Variants in CYP4F2 observed in about 807,000 individuals in gnomAD.
CYP4F2 encodes the protein cytochrome P450 family 4 subfamily F member 2.
Under a neutral mutation model 58.9 loss-of-function variants are expected in CYP4F2, and 58 were observed. The ratio of observed to expected loss-of-function variants is 0.98; its 90% CI spans 0.80 to 1.23. CYP4F2 has a LOEUF of 1.23. CYP4F2 is among the 50% of genes most tolerant of loss of function. CYP4F2 has a pLI of 0.00. For synonymous variants in CYP4F2, 287 were observed against 261.1 expected (o/e 1.10, Z -0.95); for missense variants, 616 against 685.6 (o/e 0.90, Z 1.13).
rs114209162 is a variant in CYP4F2 at position 15,896,000 on chromosome 19, C to T, written c.199-350G>A. ...TCTACCCATCCATCCATCATCCATC[C>T]ATCCATCCATCCTATCTGTGCATCC... is the stretch of plus-strand genomic sequence containing the variant. On this transcript the variant is annotated intron_variant, in intron 2 of 12. Coordinates refer to ENST00000221700, the MANE Select transcript of CYP4F2 (RefSeq NM_001082.5). 3.7e-3 allele frequency among the ~76,000 whole-genome samples: 564 copies of T among 152,184 alleles called. 1 individual carries two copies. Among genetic ancestry groups the T allele is most frequent in the African/African-American group, 0.012 (500 of 41,490 alleles).
Position 15,885,999 on chromosome 19 carries a change from T to C in CYP4F2, c.1040A>G (p.His347Arg). Residue 347 changes from histidine (H) to arginine (R), a missense_variant, in exon 9 of 13, where the codon CAC becomes CGC. His to Arg is a conservative substitution (Grantham distance 29). Coordinates refer to ENST00000221700, the MANE Select transcript of CYP4F2 (RefSeq NM_001082.5). ...LSWVLYHLAK[H>R]PEYQERCRQE... ...CCGGCAGCGCTCCTGGTATTCTGGG[T>C]GCTTTGCAAGGTGGTACAGGACCCA... 1 of 1,614,072 alleles carries C rather than the reference T, an allele frequency of 6.2e-7. No homozygotes were observed. Among genetic ancestry groups the C allele is most frequent in the Non-Finnish European group, 8.5e-7 (1 of 1,180,008 alleles).
intron 10 of CYP4F2, 23 bp from the exon 11 acceptor site, chr19:15,879,691 C>T (rs2089331009): frequency 1.9e-6 from 3 of 1,614,106 alleles, no homozygotes; most frequent in Non-Finnish European, 2.5e-6. Context: ...AGGGAGCAGT[C>T]AGGAGAAGGC....
rs575928967 is a variant in CYP4F2 at position 15,879,126 on chromosome 19, C to G, written c.1398-190G>C. Among the ~76,000 whole-genome samples the G allele has an allele frequency of 1.1e-4, 16 of 152,296 alleles. No homozygotes were observed. The East Asian group carries it at 2.5e-3, about 24-fold the overall frequency. ...GCCTAGCCGAGCTCCAACCCCCAGC[C>G]TAGACCAAGGTGGGGTAGGAGGGGG... On this transcript the variant is annotated intron_variant, in intron 12 of 12. Coordinates refer to ENST00000221700, the MANE Select transcript of CYP4F2 (RefSeq NM_001082.5).
In CYP4F2 at chr19:15,892,728, G is replaced by C. The variant is rs866221844; in HGVS notation, c.344-146C>G. The C allele has an allele frequency of 4.0e-6, 5 of 1,244,602 alleles. No individual in the cohort carries two copies. The South Asian group carries it at 7.5e-5, about 19-fold the overall frequency. The allele number at this position is 1,244,602 out of a possible 1,614,324, so 77.1% of individuals were successfully genotyped here. On this transcript the variant is annotated intron_variant, in intron 3 of 12. Transcript: ENST00000221700. ...AGAGGGCCAAGGGCAGAGGAAGAAG[G>C]GAGGATGGGGAGGGGAGGGAAGACC...
intron 5 of CYP4F2, among the ~76,000 whole-genome samples, chr19:15,891,973 T>G (rs1382356016): frequency 6.6e-6 from 1 of 152,224 alleles, no homozygotes; most frequent in African/African-American, 2.4e-5. Flanking sequence ...CTTATTGGTT[T>G]AAACCAATGA....
At position 15,890,359 on chromosome 19, in the gene CYP4F2, C is replaced by A; in HGVS notation, c.600G>T (p.Leu200Phe). 1 of 1,614,120 alleles carries A rather than the reference C, an allele frequency of 6.2e-7. No homozygotes were observed. Among genetic ancestry groups the A allele is most frequent in the Non-Finnish European group, 8.5e-7 (1 of 1,180,018 alleles). The change falls in exon 6 of 13, where the codon TTG becomes TTT. Residue 200 changes from leucine (L) to phenylalanine (F), a missense_variant. Leu to Phe is a conservative substitution (Grantham distance 22, BLOSUM62 0). Coordinates refer to ENST00000221700, the MANE Select transcript of CYP4F2 (RefSeq NM_001082.5). ...TGAAGACACATTTCTGTAGACTGTC[C>A]AAGGTCATGAGGCTGATGTGCTCAA... ...DMFEHISLMTLDSLQKCVFSF... is the reference protein window; with the variant it reads ...DMFEHISLMTFDSLQKCVFSF...
intron 9 of CYP4F2, among the ~76,000 whole-genome samples, chr19:15,881,461 T>G (rs147922361): frequency 4.0e-5 from 6 of 151,876 alleles, no homozygotes; most frequent in South Asian, 2.1e-4. Flanking sequence ...ATAAGAGATA[T>G]AGAGAGATAG....
At position 15,878,096 on chromosome 19, in the gene CYP4F2, A is replaced by G. The variant is rs560446993; in HGVS notation, c.*675T>C. 3 of 152,232 alleles carry G rather than the reference A, an allele frequency of 2.0e-5. No individual in the cohort carries two copies. In the South Asian group the frequency reaches 6.2e-4, roughly 32 times the overall value. 9.4% of individuals were successfully genotyped at this position (152,232 alleles called of 1,614,324 possible). ...ATTATTATATGAACAACCTGGACAG[A>G]AAAAAAATGTATGTGAGATAAAATA... is the stretch of plus-strand genomic sequence containing the variant. On this transcript the variant is annotated 3_prime_UTR_variant, in exon 13 of 13. Coordinates refer to ENST00000221700, the MANE Select transcript of CYP4F2 (RefSeq NM_001082.5).
chr19:15,885,911 C>T lies in CYP4F2; in HGVS notation c.1115+13G>A. On this transcript the variant is annotated intron_variant, in intron 9 of 12. Transcript: ENST00000221700. ...GAAGGTCTCAGGAAGAGGCCACAAG[C>T]ACCTGCACTCACCATTCAATCTCTT... The T allele has an allele frequency of 6.2e-7, 1 of 1,611,796 alleles. No homozygotes were observed. Among genetic ancestry groups the T allele is most frequent in the Non-Finnish European group, 8.5e-7 (1 of 1,178,640 alleles).
chr19:15,897,831 AAG>A, intron 1 of CYP4F2, 193 bp downstream of exon 1: 153 of 532,752 alleles, frequency 2.9e-4, no homozygotes, highest in East Asian at 4.1e-4. Flanking sequence ...TAGAATGGGA[AAG>A]AGAGAGAGAG....
At chr19:15,885,468 T>C (rs1379226427) in intron 9 of CYP4F2, among the ~76,000 whole-genome samples, 1 of 152,160 alleles carries the variant, frequency 6.6e-6, no homozygotes, top group Non-Finnish European at 1.5e-5. Context: ...TGAATAAGGA[T>C]GGGACGGATG....
Position 15,896,242 on chromosome 19 carries a change from C to CTATT in CYP4F2, c.199-593_199-592insAATA, listed in dbSNP as rs1385441361. ...TCTATCTATCCTATTAGCTATCTAT[C>CTATT]TATCTATCTATCTATCTATCTATCT... On this transcript the variant is annotated intron_variant, in intron 2 of 12. Coordinates refer to ENST00000221700, the MANE Select transcript of CYP4F2 (RefSeq NM_001082.5). Among the ~76,000 whole-genome samples the CTATT allele has an allele frequency of 1.1e-3, 111 of 102,440 alleles. 1 individual carries two copies. Among genetic ancestry groups the CTATT allele is most frequent in the African/African-American group, 3.6e-3 (105 of 29,352 alleles). The allele number at this position is 102,440 out of a possible 152,430, so 67.2% of individuals were successfully genotyped here. A position where few individuals can be genotyped will look rare whatever the true frequency, so the allele number is the denominator to read the frequency against.
rs759562238 is a variant in CYP4F2, at chr19:15,879,357, C to G, written c.1386G>C (p.Ser462=). Reference sequence around the variant, plus strand: ...CAGGCCGCCCTTACCTGGGCCCTGCCGAGAAGGGAATAAAAGCCAGAGGTG... The same window carrying G: ...CAGGCCGCCCTTACCTGGGCCCTGCGGAGAAGGGAATAAAAGCCAGAGGTG... ...ERSPLAFIPF[S]AGPRNCIGQT... The change falls in exon 12 of 13, where the codon TCG becomes TCC. Residue 462 remains serine (S), a synonymous_variant. Transcript: ENST00000221700. The G allele has an allele frequency of 5.6e-6, 9 of 1,613,664 alleles. No individual in the cohort carries two copies. Among genetic ancestry groups the G allele is most frequent in the Non-Finnish European group, 7.6e-6 (9 of 1,179,622 alleles).
At position 15,879,763 on chromosome 19, in the gene CYP4F2, C is replaced by G. The variant is rs747558460; in HGVS notation, c.1249+1G>C. 3 of 1,614,010 alleles carry G rather than the reference C, an allele frequency of 1.9e-6. No individual in the cohort carries two copies. Among genetic ancestry groups the G allele is most frequent in the Admixed American group, 3.3e-5 (2 of 59,994 alleles). The stretch of plus-strand genomic sequence containing the variant: ...ACTCCTCCCCGTGAGGCTGTGAGCA[C>G]CTTTGGGGATGACCCGGCCGTCTGG... On this transcript the variant is annotated splice_donor_variant, in intron 10 of 12. Transcript: ENST00000221700. LOFTEE classifies it high-confidence loss of function.
At chr19:15,895,403 A>G in intron 3 of CYP4F2, 103 bp downstream of exon 3, 5 of 1,344,828 alleles carry the variant, frequency 3.7e-6, no homozygotes, top group Non-Finnish European at 4.9e-6. Context: ...CTGAGAGGGA[A>G]GGAAAGGAGA....
intron 4 of CYP4F2, 29 bp downstream of exon 4, chr19:15,892,500 C>T (rs867967652): frequency 6.2e-7 from 1 of 1,614,016 alleles, no homozygotes; most frequent in Non-Finnish European, 8.5e-7. Flanking sequence ...CAACGTTTTT[C>T]CCAACCCTGT....
At chr19:15,883,414 A>G (rs1401871853) in intron 9 of CYP4F2, among the ~76,000 whole-genome samples, 1 of 152,218 alleles carries the variant, frequency 6.6e-6, no homozygotes, top group Non-Finnish European at 1.5e-5. Flanking sequence ...TGCAAATCAA[A>G]ACCACAATGA....
chr19:15,879,776 C>T lies in CYP4F2; in HGVS notation c.1237G>A (p.Val413Ile), dbSNP rs1197222286. Residue 413 changes from valine (V) to isoleucine (I), a missense_variant, in exon 10 of 13, where the codon GTC becomes ATC. Physicochemically the swap from Val to Ile is conservative, Grantham distance 29 (BLOSUM62 3). Coordinates refer to ENST00000221700, the MANE Select transcript of CYP4F2 (RefSeq NM_001082.5). Reference sequence around the variant, plus strand: ...AGGCTGTGAGCACCTTTGGGGATGACCCGGCCGTCTGGGAGCACAATGTCC... The same window carrying T: ...AGGCTGTGAGCACCTTTGGGGATGATCCGGCCGTCTGGGAGCACAATGTCC... ...TQDIVLPDGRVIPKGIICLIS... is the reference protein window; with the variant it reads ...TQDIVLPDGRIIPKGIICLIS... 3.1e-6 allele frequency: 5 copies of T among 1,614,148 alleles called. No individual in the cohort carries two copies. The highest frequency in any genetic ancestry group is 2.2e-5 in the East Asian group (1 of 44,872).
chr19:15,896,190 CATCT>C (rs1478747940), intron 2 of CYP4F2, among the ~76,000 whole-genome samples: 3 of 152,112 alleles, frequency 2.0e-5, no homozygotes, highest in East Asian at 1.9e-4. Context: ...TCCATCCATC[CATCT>C]ATCCATCCTA....
Sources: allele counts gnomAD v4.1 joint callset (sites outside exome capture counted in the v4.1 genomes callset), GRCh38; gene constraint gnomAD v4.1.1; transcripts MANE v1.5; gene names NCBI Gene and HGNC (gene_info 2026-07-23, HGNC 2026-07-21).